CDK13: variants seen among roughly 807,000 people sequenced by gnomAD.
The protein encoded by CDK13 is cyclin-dependent kinase 13.
In CDK13, 40 loss-of-function variants were observed where a neutral mutation model predicts 137.6. The observed-to-expected ratio is 0.29, with a 90% confidence interval of 0.23 to 0.38. The LOEUF (loss-of-function observed/expected upper bound fraction) is 0.38. CDK13 is among the 10% of genes least tolerant of loss of function. The probability of loss-of-function intolerance (pLI) is 1.00; values close to 1 mark genes in which losing one functional copy is unlikely to be tolerated. For missense variants in CDK13, 1,704 were observed against 1,951.8 expected (o/e 0.87, Z 2.39); for synonymous variants, 869 against 760.1 (o/e 1.14, Z -2.36).
intron 5 of CDK13, among the ~76,000 whole-genome samples, chr7:40,037,416 C>T (rs939070261): frequency 1.8e-4 from 27 of 152,198 alleles, no homozygotes; most frequent in African/African-American, 5.1e-4. Context: ...CTCACTTATT[C>T]TTTACATGGG....
chr7:40,027,210 T>TG (rs1425936602), intron 5 of CDK13, among the ~76,000 whole-genome samples: 1 of 152,120 alleles, frequency 6.6e-6, no homozygotes, highest in African/African-American at 2.4e-5. Flanking sequence ...CTGGACGTGG[T>TG]GGCGTGTGCC....
intron 9 of CDK13, among the ~76,000 whole-genome samples, chr7:40,074,680 A>T (rs1241926171): frequency 1.3e-5 from 2 of 151,580 alleles, no homozygotes; most frequent in African/African-American, 4.9e-5. Flanking sequence ...CTCAAATTAG[A>T]TGGATGTAGT....
At chr7:39,991,711 T>A (rs1013562419) in intron 2 of CDK13, among the ~76,000 whole-genome samples, 1 of 152,138 alleles carries the variant, frequency 6.6e-6, no homozygotes, top group Non-Finnish European at 1.5e-5. Flanking sequence ...ATGGAAGTTA[T>A]CCATCTAGAT....
intron 1 of CDK13, chr7:39,952,601 G>GGTGTAACCTA (rs1424275656): frequency 6.6e-6 from 1 of 152,062 alleles, no homozygotes; most frequent in African/African-American, 2.4e-5. Context: ...AAATCTGGGT[G>GGTGTAACCTA]GTGTAACCTA....
At chr7:39,966,513 A>AT (rs1425978402) in intron 1 of CDK13, among the ~76,000 whole-genome samples, 5 of 151,568 alleles carry the variant, frequency 3.3e-5, no homozygotes, top group Non-Finnish European at 7.4e-5. Flanking sequence ...CATTCATCTA[A>AT]TTTTTTTTCA....
At chr7:39,993,255 A>C (rs902797211) in intron 2 of CDK13, among the ~76,000 whole-genome samples, 5 of 152,148 alleles carry the variant, frequency 3.3e-5, no homozygotes, top group African/African-American at 9.7e-5. Flanking sequence ...TTTTGTAAAT[A>C]CGTGTTTCCC....
chr7:40,059,986 A>G (rs1786105779), intron 7 of CDK13, among the ~76,000 whole-genome samples: 2 of 152,196 alleles, frequency 1.3e-5, no homozygotes, highest in African/African-American at 4.8e-5. Context: ...GTACACGTTA[A>G]ATATTTTTCT....
chr7:40,038,639 A>C (rs1173351200), intron 5 of CDK13, among the ~76,000 whole-genome samples: 2 of 152,130 alleles, frequency 1.3e-5, no homozygotes, highest in African/African-American at 2.4e-5. Context: ...CTGGAGTTCT[A>C]CTTTTAGATT....
intron 7 of CDK13, among the ~76,000 whole-genome samples, chr7:40,049,883 G>A (rs1785844782): frequency 6.6e-6 from 1 of 152,084 alleles, no homozygotes; most frequent in South Asian, 2.1e-4. Flanking sequence ...TGCGCTTCAC[G>A]TTCATCCATG....
At chr7:39,992,575 G>C (rs1212987203) in intron 2 of CDK13, among the ~76,000 whole-genome samples, 1 of 151,672 alleles carries the variant, frequency 6.6e-6, no homozygotes, top group East Asian at 2.0e-4. Flanking sequence ...CTTGATCACA[G>C]TATCATTGTG....
chr7:40,028,465 G>A (rs533692670), intron 5 of CDK13, among the ~76,000 whole-genome samples: 133 of 152,068 alleles, frequency 8.7e-4, no homozygotes, highest in African/African-American at 2.9e-3. Context: ...TGATCTGCCC[G>A]CCTTGGCCTC....
rs943679619 is a variant in CDK13, at chr7:40,061,727, ACCT to A, written c.2601-1094_2601-1092del. 5.9e-5 allele frequency: 9 copies of A among 152,188 alleles called. No homozygotes were observed. In the East Asian group the frequency reaches 9.6e-4, roughly 16 times the overall value. The allele number at this position is 152,188 out of a possible 1,614,324, so 9.4% of individuals were successfully genotyped here. ...TAAGTAACTACAGATCAGCCGAAGA[ACCT>A]CCTCTGACTACTTAGGATTCTCTTC... On this transcript the variant is annotated intron_variant, in intron 7 of 13. Transcript: ENST00000181839.
rs141548536 is a variant in CDK13 at position 40,002,267 on chromosome 7, T to C, written c.2353+236T>C. ...ACACATAAAGTATTCACTAGTAATA[T>C]ATGTTTTATTGGGCATCAGTGTATA... On this transcript the variant is annotated intron_variant, in intron 5 of 13. Transcript: ENST00000181839. 1.7e-3 allele frequency: 498 copies of C among 289,168 alleles called. 2 individuals are homozygous for C. Among genetic ancestry groups the C allele is most frequent in the African/African-American group, 9.0e-3 (409 of 45,310 alleles). 17.9% of individuals were successfully genotyped at this position (289,168 alleles called of 1,614,324 possible). A position where few individuals can be genotyped will look rare whatever the true frequency, so the allele number is the denominator to read the frequency against.
intron 1 of CDK13, among the ~76,000 whole-genome samples, chr7:39,969,684 T>C (rs1490486587): frequency 6.6e-6 from 1 of 151,972 alleles, no homozygotes; most frequent in Non-Finnish European, 1.5e-5. Context: ...TTTTTTTTTG[T>C]CAGTCTTTGA....
At chr7:39,967,596 C>T (rs533322064) in intron 1 of CDK13, among the ~76,000 whole-genome samples, 42 of 152,178 alleles carry the variant, frequency 2.8e-4, no homozygotes, top group African/African-American at 1.0e-3. Flanking sequence ...ATTTCAGTTC[C>T]TTTGGGTATA....
Position 39,951,363 on chromosome 7 carries a change from A to G in CDK13, c.722A>G (p.Glu241Gly), listed in dbSNP as rs1486466891. Residue 241 changes from glutamate (E) to glycine (G), a missense_variant, in exon 1 of 14, where the codon GAA becomes GGA. Around this residue, in one of 5 missense-constraint regions of CDK13, gnomAD observed 1,051 missense variants for 931.0 expected, o/e 1.13. Coordinates refer to ENST00000181839, the MANE Select transcript of CDK13 (RefSeq NM_003718.5). ...AGCCGCCACAGCCACAGCGGCGAGG[A>G]ACGGGCCGAGGTCGCCAAGAGCGGC... ...SRSRHSHSGEERAEVAKSGSS... is the reference protein window; with the variant it reads ...SRSRHSHSGEGRAEVAKSGSS... The G allele has an allele frequency of 6.7e-7, 1 of 1,503,124 alleles. No individual in the cohort carries two copies. The highest frequency in any genetic ancestry group is 1.4e-5 in the African/African-American group (1 of 69,428). 93.1% of individuals were successfully genotyped at this position (1,503,124 alleles called of 1,614,324 possible).
chr7:40,059,996 T>G (rs1022038365), intron 7 of CDK13, among the ~76,000 whole-genome samples: 1 of 152,202 alleles, frequency 6.6e-6, no homozygotes, highest in African/African-American at 2.4e-5. Flanking sequence ...AATATTTTTC[T>G]GTACAGTTAG....
At chr7:40,074,334 A>G (rs982782173) in intron 9 of CDK13, among the ~76,000 whole-genome samples, 2 of 152,100 alleles carry the variant, frequency 1.3e-5, no homozygotes, top group African/African-American at 4.8e-5. Flanking sequence ...CATCCTGGCT[A>G]ACACAGTGAA....
In CDK13 at chr7:40,028,629, A is replaced by T. The variant is rs1201763328; in HGVS notation, c.2354-17207A>T. ...AATAACACAATTATTTATTCCCCTG[A>T]TGGTGGTCTCACTGAGTCTTATTTG... On this transcript the variant is annotated intron_variant, in intron 5 of 13. Coordinates refer to ENST00000181839, the MANE Select transcript of CDK13 (RefSeq NM_003718.5). Among the ~76,000 whole-genome samples, 8 of 152,264 alleles carry T rather than the reference A, an allele frequency of 5.3e-5. No homozygotes were observed. In the East Asian group the frequency reaches 1.5e-3, roughly 29 times the overall value.
Sources: gnomAD v4.1 joint callset for allele counts (sites outside exome capture counted in the v4.1 genomes callset) on GRCh38, gnomAD v4.1.1 for gene constraint, gnomAD v4.1.1 regional missense constraint, MANE v1.5 for transcripts, NCBI Gene and HGNC (gene_info 2026-07-23, HGNC 2026-07-21) for gene names.